RHOF: variants seen among roughly 807,000 people sequenced by gnomAD.
RHOF encodes ras homolog family member F, filopodia associated, also known as rho-related GTP-binding protein RhoF.
In RHOF, 21 loss-of-function variants were observed where a neutral mutation model predicts 22.2. The observed-to-expected ratio is 0.95, with a 90% CI of 0.67 to 1.36. The LOEUF (loss-of-function observed/expected upper bound fraction) is 1.36. Ranked by LOEUF, RHOF falls within the 40% of genes most tolerant of loss-of-function variation. The probability of loss-of-function intolerance (pLI) is 0.00; values close to 1 mark genes in which losing one functional copy is unlikely to be tolerated. For missense variants in RHOF, 285 were observed against 293.7 expected (o/e 0.97, Z 0.22); for synonymous variants, 135 against 131.2 (o/e 1.03, Z -0.20).
In RHOF at chr12:121,793,564, T is replaced by C. The variant is rs1874824117; in HGVS notation, c.70A>G (p.Ile24Val). The C allele has an allele frequency of 2.6e-6, 4 of 1,552,084 alleles. No individual in the cohort carries two copies. The highest frequency in any genetic ancestry group is 1.4e-5 in the African/African-American group (1 of 73,544). ...GPGRKELKIV[I>V]VGDGGCGKTS... The stretch of plus-strand genomic sequence containing the variant: ...TTGCCGCAGCCGCCGTCGCCCACGA[T>C]CACGATCTTCAGCTCCTTCCTGCCC... The change falls in exon 1 of 5, where the codon ATC becomes GTC. Residue 24 changes from isoleucine (I) to valine (V), a missense_variant. By Grantham distance (29) the Ile-to-Val change is conservative (BLOSUM62 3). Coordinates refer to ENST00000267205, the MANE Select transcript of RHOF (RefSeq NM_019034.3).
chr12:121,780,675 C>T (rs902023341), intron 4 of RHOF, 197 bp downstream of exon 4: 18 of 639,368 alleles, frequency 2.8e-5, no homozygotes, highest in Non-Finnish European at 3.4e-5. Context: ...CGCCTGCCTC[C>T]GAGTCCTAAG....
At position 121,779,393 on chromosome 12, in the gene RHOF, A is replaced by T. The variant is rs1874356358; in HGVS notation, c.*105T>A. 1.6e-6 allele frequency: 2 copies of T among 1,254,268 alleles called. No homozygotes were observed. The highest frequency in any genetic ancestry group is 4.5e-5 in the Admixed American group (2 of 44,774). The allele number at this position is 1,254,268 out of a possible 1,614,324, so 77.7% of individuals were successfully genotyped here. ...TTCCAAGAGTCTAGCCGCAGGCCCC[A>T]GACACCATGAGCTGGAGGGTCGGGA... On this transcript the variant is annotated 3_prime_UTR_variant, in exon 5 of 5. Transcript: ENST00000267205.
intron 2 of RHOF, chr12:121,782,278 G>A (rs1450118205): frequency 6.6e-6 from 1 of 152,272 alleles, no homozygotes; most frequent in Non-Finnish European, 1.5e-5. Flanking sequence ...ATTCTAATCT[G>A]ATCCACAGAC....
At chr12:121,785,610 A>C (rs1592957554) in intron 2 of RHOF, among the ~76,000 whole-genome samples, 1 of 142,858 alleles carries the variant, frequency 7.0e-6, no homozygotes, top group South Asian at 2.3e-4. Context: ...TTGTATTTTT[A>C]TTATTTTATT....
At position 121,779,613 on chromosome 12, in the gene RHOF, G is replaced by T. The variant is rs1874372217; in HGVS notation, c.521C>A (p.Ser174Tyr). ...CTCCACATTCTCCCGAAACTTGGCG[G>T]AACATTCCAGGTAGAGAGCAGCTCG... ...QIRAALYLECSAKFRENVEDV... is the reference protein window; with the variant it reads ...QIRAALYLECYAKFRENVEDV... Residue 174 changes from serine to tyrosine, a missense_variant, in exon 5 of 5, where the codon TCC (serine) becomes TAC (tyrosine). Transcript: ENST00000267205. The T allele has an allele frequency of 1.2e-6, 2 of 1,614,088 alleles. No individual in the cohort carries two copies. The highest frequency in any genetic ancestry group is 1.7e-6 in the Non-Finnish European group (2 of 1,180,040).
chr12:121,789,966 C>T (rs1050328987), intron 2 of RHOF, among the ~76,000 whole-genome samples: 7 of 152,242 alleles, frequency 4.6e-5, no homozygotes, highest in African/African-American at 1.7e-4. Context: ...CCGCCTCCCC[C>T]GGCCCAGGAA....
intron 2 of RHOF, 71 bp from the exon 3 acceptor site, chr12:121,781,263 GGGGCCAGGCAAGTGACCCTGCCTTA>G: frequency 7.0e-7 from 1 of 1,426,428 alleles, no homozygotes; most frequent in Non-Finnish European, 9.8e-7. Flanking sequence ...TGAAGGGGAA[GGGGCCAGGCAAGTGACCCTGCCTTA>G]GGGCCTCAAT....
At chr12:121,785,082 G>T (rs1383126710) in intron 2 of RHOF, among the ~76,000 whole-genome samples, 62 of 152,160 alleles carry the variant, frequency 4.1e-4, no homozygotes, top group African/African-American at 1.4e-3. Flanking sequence ...CCAGCACTTT[G>T]GGAAGCCAAG....
chr12:121,792,194 A>G (rs1231263834), intron 2 of RHOF, among the ~76,000 whole-genome samples: 1 of 146,522 alleles, frequency 6.8e-6, no homozygotes, highest in African/African-American at 2.6e-5. Flanking sequence ...ATCCTAGGTC[A>G]GTGTCTGACC....
Position 121,793,665 on chromosome 12 carries a change from G to A in RHOF, c.-32C>T, listed in dbSNP as rs772886812. 2.5e-5 allele frequency: 37 copies of A among 1,509,226 alleles called. No individual in the cohort carries two copies. In the African/African-American group the frequency reaches 5.0e-4, roughly 20 times the overall value. The allele number at this position is 1,509,226 out of a possible 1,614,324, so 93.5% of individuals were successfully genotyped here. On this transcript the variant is annotated 5_prime_UTR_variant, in exon 1 of 5. Transcript: ENST00000267205. The stretch of plus-strand genomic sequence containing the variant: ...GAGCCCGCAGCACTGGCGGCGGCGC[G>A]CCGGGCACTAGCGGAGCCAAGAGGT...
rs768802982 is a variant in RHOF, at chr12:121,779,549, A to G, written c.585T>C (p.Ala195=). Residue 195 remains alanine, a synonymous_variant, in exon 5 of 5, where the codon GCT becomes GCC. Coordinates refer to ENST00000267205, the MANE Select transcript of RHOF (RefSeq NM_019034.3). ...TCTTCTGCCGTTGCGCCTTCTTCAG[A>G]GCGCTGAGAGCCACCTTGGCGGCCT... The part of the protein sequence containing the change: ...FREAAKVALS[A]LKKAQRQKKR... 2 of 1,614,012 alleles carry G rather than the reference A, an allele frequency of 1.2e-6. No individual in the cohort carries two copies. Among genetic ancestry groups the G allele is most frequent in the East Asian group, 2.2e-5 (1 of 44,884 alleles).
At chr12:121,780,376 G>T in intron 4 of RHOF, 1 of 173,844 alleles carries the variant, frequency 5.8e-6, no homozygotes, top group Non-Finnish European at 1.2e-5. Context: ...CCTTATTAAT[G>T]GTTATTTCTT....
chr12:121,785,394 C>A (rs898005348), intron 2 of RHOF, among the ~76,000 whole-genome samples: 1 of 150,012 alleles, frequency 6.7e-6, no homozygotes, highest in Non-Finnish European at 1.5e-5. Context: ...CCCCCTTGGA[C>A]GTCTTCTCTC....
At chr12:121,785,417 CTTTACTT>C (rs1566533326) in intron 2 of RHOF, among the ~76,000 whole-genome samples, 1 of 90,808 alleles carries the variant, frequency 1.1e-5, no homozygotes, top group Non-Finnish European at 2.3e-5. Flanking sequence ...TTCTTTTTTT[CTTTACTT>C]TTTTTTTTTT....
intron 4 of RHOF, 108 bp downstream of exon 4, chr12:121,780,764 C>A: frequency 7.8e-7 from 1 of 1,278,736 alleles, no homozygotes; most frequent in Admixed American, 2.5e-5. Context: ...TAGAATCTTG[C>A]TTCCCTCAGC....
intron 2 of RHOF, chr12:121,782,324 C>CTTTAT (rs1309654642): frequency 6.6e-6 from 1 of 152,220 alleles, no homozygotes; most frequent in Non-Finnish European, 1.5e-5. Context: ...CAATATTGTC[C>CTTTAT]TTTATTTTTT....
intron 2 of RHOF, among the ~76,000 whole-genome samples, chr12:121,783,702 G>A (rs1260460815): frequency 1.6e-4 from 24 of 151,978 alleles, no homozygotes; most frequent in Admixed American, 6.6e-5. Context: ...GGCTGGTCTC[G>A]AACTCCCGAC....
intron 2 of RHOF, among the ~76,000 whole-genome samples, chr12:121,788,434 A>T (rs1874670557): frequency 6.6e-6 from 1 of 151,300 alleles, no homozygotes; most frequent in Admixed American, 6.6e-5. Flanking sequence ...TGCCCAACCC[A>T]GCTTTCCCTA....
chr12:121,779,622 AGGT>A lies in RHOF; in HGVS notation c.509_511del (p.Tyr170del), dbSNP rs1302139504. 1.2e-6 allele frequency: 2 copies of A among 1,614,190 alleles called. No individual in the cohort carries two copies. The highest frequency in any genetic ancestry group is 1.7e-6 in the Non-Finnish European group (2 of 1,180,004). On this transcript the variant is annotated inframe_deletion, in exon 5 of 5. Coordinates refer to ENST00000267205, the MANE Select transcript of RHOF (RefSeq NM_019034.3). ...CTCCCGAAACTTGGCGGAACATTCC[AGGT>A]AGAGAGCAGCTCGGATCTGTTCGCA...
Sources: gnomAD v4.1 joint callset for allele counts (sites outside exome capture counted in the v4.1 genomes callset) on GRCh38, gnomAD v4.1.1 for gene constraint, MANE v1.5 for transcripts, NCBI Gene and HGNC (gene_info 2026-07-23, HGNC 2026-07-21) for gene names.